Variants in SNTG2 observed in about 807,000 individuals in gnomAD.
The protein encoded by SNTG2 is syntrophin gamma 2, also known as gamma-2-syntrophin.
Under a neutral mutation model 70.9 loss-of-function variants are expected in SNTG2, and 74 were observed. The ratio of observed to expected loss-of-function variants is 1.04; its 90% CI spans 0.86 to 1.27. The LOEUF is 1.27. SNTG2 is among the 50% of genes most tolerant of loss of function. The probability of loss-of-function intolerance (pLI) is 0.00; values close to 1 mark genes in which losing one functional copy is unlikely to be tolerated. For synonymous variants in SNTG2, 278 were observed against 273.8 expected, an observed-to-expected ratio of 1.02 and a Z score of -0.15; for missense variants, 717 against 690.7, an observed-to-expected ratio of 1.04 and a Z score of -0.43.
chr2:1,305,535 C>T (rs753454863), intron 14 of SNTG2, among the ~76,000 whole-genome samples: 1 of 152,110 alleles, frequency 6.6e-6, no homozygotes, highest in Non-Finnish European at 1.5e-5. Context: ...GGAAATAATC[C>T]CACATGTCAT....
At chr2:1,161,805 T>G (rs946336729) in intron 6 of SNTG2, 4 of 152,326 alleles carry the variant, frequency 2.6e-5, no homozygotes, top group African/African-American at 4.8e-5. Context: ...CCGGGTGCGG[T>G]GGCTCACGCC....
At chr2:1,254,516 T>G (rs1677938163) in intron 12 of SNTG2, among the ~76,000 whole-genome samples, 1 of 131,802 alleles carries the variant, frequency 7.6e-6, no homozygotes, top group Non-Finnish European at 1.6e-5. Flanking sequence ...CAAGAATTAT[T>G]AGCAATTTAA....
At chr2:1,104,779 G>A (rs1230457041) in intron 4 of SNTG2, among the ~76,000 whole-genome samples, 2 of 152,224 alleles carry the variant, frequency 1.3e-5, no homozygotes, top group Admixed American at 6.5e-5. Flanking sequence ...CACTGAACGA[G>A]AAATCCGGCT....
At chr2:1,291,135 G>A (rs1202019209) in intron 14 of SNTG2, among the ~76,000 whole-genome samples, 1 of 152,032 alleles carries the variant, frequency 6.6e-6, no homozygotes, top group African/African-American at 2.4e-5. Context: ...CGTGCTGATG[G>A]GTCATTGATA....
At chr2:1,242,144 G>A (rs1677093947) in intron 11 of SNTG2, among the ~76,000 whole-genome samples, 1 of 152,128 alleles carries the variant, frequency 6.6e-6, no homozygotes, top group African/African-American at 2.4e-5. Context: ...CGCTTTTGGT[G>A]GAGGATGGTT....
intron 1 of SNTG2, among the ~76,000 whole-genome samples, chr2:1,055,302 T>G (rs970767258): frequency 1.9e-4 from 29 of 152,240 alleles, no homozygotes; most frequent in African/African-American, 7.0e-4. Context: ...GCTCGGGGCT[T>G]CTTTCTGTAA....
At chr2:977,263 T>C (rs929841278) in intron 1 of SNTG2, among the ~76,000 whole-genome samples, 3 of 152,258 alleles carry the variant, frequency 2.0e-5, no homozygotes, top group African/African-American at 7.2e-5. Flanking sequence ...TGTACTTTTC[T>C]TGTTATGGCT....
At chr2:1,309,721 C>T (rs945753746) in intron 15 of SNTG2, among the ~76,000 whole-genome samples, 1 of 152,238 alleles carries the variant, frequency 6.6e-6, no homozygotes, top group Non-Finnish European at 1.5e-5. Context: ...TGTTCCCCTC[C>T]AGGGCACATA....
At chr2:981,979 C>T (rs1235888128) in intron 1 of SNTG2, among the ~76,000 whole-genome samples, 1 of 152,200 alleles carries the variant, frequency 6.6e-6, no homozygotes, top group African/African-American at 2.4e-5. Flanking sequence ...GATGCACACT[C>T]ACATGCACTT....
At chr2:1,058,889 T>G (rs1662633718) in intron 1 of SNTG2, among the ~76,000 whole-genome samples, 1 of 152,196 alleles carries the variant, frequency 6.6e-6, no homozygotes, top group Non-Finnish European at 1.5e-5. Context: ...CTCATTGCTG[T>G]CACTGGTCCA....
chr2:1,162,547 C>CTGGACAG (rs1396204405), intron 6 of SNTG2, among the ~76,000 whole-genome samples: 4 of 152,000 alleles, frequency 2.6e-5, no homozygotes, highest in African/African-American at 9.7e-5. Context: ...TGGGAGGTGG[C>CTGGACAG]TGGACAGTGG....
intron 9 of SNTG2, among the ~76,000 whole-genome samples, chr2:1,234,676 G>A (rs759424323): frequency 9.2e-5 from 14 of 152,152 alleles, no homozygotes; most frequent in Non-Finnish European, 2.1e-4. Flanking sequence ...GTGCGAGTCC[G>A]TGAGCCTCTG....
At chr2:1,196,835 T>A (rs1672939294) in intron 8 of SNTG2, among the ~76,000 whole-genome samples, 1 of 151,986 alleles carries the variant, frequency 6.6e-6, no homozygotes, top group African/African-American at 2.4e-5. Context: ...AGCAAAAACA[T>A]AAAATTAGTC....
chr2:1,267,136 T>G (rs531446169), intron 13 of SNTG2, among the ~76,000 whole-genome samples: 24 of 152,312 alleles, frequency 1.6e-4, no homozygotes, highest in South Asian at 8.3e-4. Flanking sequence ...GAAAGGCACT[T>G]ACAGAGAATT....
intron 4 of SNTG2, among the ~76,000 whole-genome samples, chr2:1,119,629 C>G (rs564475455): frequency 4.7e-5 from 7 of 148,836 alleles, no homozygotes; most frequent in African/African-American, 1.7e-4. Flanking sequence ...TTTACATAAG[C>G]TTCATAATAT....
intron 8 of SNTG2, among the ~76,000 whole-genome samples, chr2:1,173,455 A>G (rs1024808027): frequency 7.9e-5 from 12 of 152,230 alleles, no homozygotes; most frequent in African/African-American, 2.9e-4. Flanking sequence ...CCTGCCTCTG[A>G]CTTACATATC....
At chr2:1,168,858 G>A (rs1670930712) in intron 7 of SNTG2, among the ~76,000 whole-genome samples, 1 of 152,178 alleles carries the variant, frequency 6.6e-6, no homozygotes, top group Non-Finnish European at 1.5e-5. Context: ...GCATGAGAAA[G>A]GCGAATATTC....
chr2:1,194,614 T>C (rs991991688), intron 8 of SNTG2, among the ~76,000 whole-genome samples: 2 of 152,334 alleles, frequency 1.3e-5, no homozygotes, highest in East Asian at 3.9e-4. Flanking sequence ...TTCCCCATTA[T>C]GTTTGTGCTG....
At chr2:1,223,709 A>G (rs928270754) in intron 9 of SNTG2, among the ~76,000 whole-genome samples, 3 of 152,260 alleles carry the variant, frequency 2.0e-5, no homozygotes, top group African/African-American at 4.8e-5. Context: ...TCTGGTGGAA[A>G]GAGTGGATGG....
Sources: gnomAD v4.1 joint callset for allele counts (sites outside exome capture counted in the v4.1 genomes callset) on GRCh38, gnomAD v4.1.1 for gene constraint, MANE v1.5 for transcripts, NCBI Gene and HGNC (gene_info 2026-07-23, HGNC 2026-07-21) for gene names.